SMC2: variants seen among roughly 807,000 people sequenced by gnomAD.
The protein encoded by SMC2 is structural maintenance of chromosomes protein 2.
Under a neutral mutation model 142.6 loss-of-function variants are expected in SMC2, and 41 were observed. That is an observed-to-expected ratio of 0.29 (90% confidence interval 0.22 to 0.37). The LOEUF is 0.37. SMC2 is among the 10% of genes least tolerant of loss of function. The pLI, the probability that SMC2 is intolerant of heterozygous loss-of-function variation, is 1.00. For missense variants in SMC2, 1,265 were observed against 1,373.7 expected, an observed-to-expected ratio of 0.92 and a Z score of 1.25; for synonymous variants, 463 against 457.5, an observed-to-expected ratio of 1.01 and a Z score of -0.15.
intron 4 of SMC2, 120 bp downstream of exon 4, chr9:104,098,688 T>C (rs10991107): frequency 0.39 from 382,099 of 978,932 alleles, 76,899 homozygotes; most frequent in Middle Eastern, 0.5. Context: ...ACTATTGTGC[T>C]GTGTCCGGCC....
intron 17 of SMC2, among the ~76,000 whole-genome samples, chr9:104,123,946 C>T (rs978423333): frequency 1.3e-5 from 2 of 152,180 alleles, no homozygotes; most frequent in African/African-American, 4.8e-5. Flanking sequence ...ATGTGCTTCT[C>T]CACTAATATT....
intron 9 of SMC2, among the ~76,000 whole-genome samples, chr9:104,104,514 T>G (rs1402673703): frequency 6.6e-6 from 1 of 152,054 alleles, no homozygotes; most frequent in Non-Finnish European, 1.5e-5. Context: ...GGCTGAAGCA[T>G]TGAGATTATG....
At chr9:104,126,496 T>G in intron 18 of SMC2, 145 bp from the exon 19 acceptor site, 1 of 525,580 alleles carries the variant, frequency 1.9e-6, no homozygotes, top group Non-Finnish European at 3.1e-6. Flanking sequence ...GGGAAGCAGC[T>G]TAACCTGTAC....
upstream of SMC2, among the ~76,000 whole-genome samples, chr9:104,090,198 C>T (rs542975689): frequency 2.6e-5 from 4 of 152,010 alleles, no homozygotes; most frequent in South Asian, 4.1e-4. Context: ...CATATACAAC[C>T]GTAAAAACAA....
rs1214334749 is a variant in SMC2, at chr9:104,098,452, A to G, written c.325A>G (p.Ile109Val). 9.4e-6 allele frequency: 15 copies of G among 1,588,066 alleles called. No individual in the cohort carries two copies. In the East Asian group the frequency reaches 1.8e-4, roughly 19 times the overall value. ...AAATTGCTTTCTTTTATAGGTGGTT[A>G]TTGGTGGTAGAAATAAATATTTAAT... ...DEITVTRQVV[I>V]GGRNKYLING... Residue 109 changes from isoleucine to valine, a missense_variant, in exon 4 of 25, where the codon ATT becomes GTT. Ile to Val is a conservative substitution (Grantham distance 29). Transcript: ENST00000374793.
At chr9:104,133,097 G>C (rs1835162878) in intron 22 of SMC2, among the ~76,000 whole-genome samples, 1 of 152,112 alleles carries the variant, frequency 6.6e-6, no homozygotes, top group Non-Finnish European at 1.5e-5. Flanking sequence ...GATTGACAAA[G>C]TGACAAAGCC....
At position 104,100,076 on chromosome 9, in the gene SMC2, TA is replaced by T; in HGVS notation, c.481-13del. 7.3e-7 allele frequency: 1 copy of T among 1,370,022 alleles called. No homozygotes were observed. Among genetic ancestry groups the T allele is most frequent in the Non-Finnish European group, 1.0e-6 (1 of 984,192 alleles). 84.9% of individuals were successfully genotyped at this position (1,370,022 alleles called of 1,614,324 possible). On this transcript the variant is annotated splice_polypyrimidine_tract_variant and intron_variant, in intron 5 of 24. Transcript: ENST00000374793. ...CATTGTCTTGGATACTAAACATTAATAAAATTGTCATTCCAGATTTTATCCA... is the reference window on the plus strand; with the variant it reads ...CATTGTCTTGGATACTAAACATTAATAAATTGTCATTCCAGATTTTATCCA...
Position 104,138,129 on chromosome 9 carries a change from T to C in SMC2, c.3381T>C (p.Ile1127=), listed in dbSNP as rs114638750. The change falls in exon 24 of 25, where the codon ATT becomes ATC. Residue 1127 remains isoleucine, a synonymous_variant. Transcript: ENST00000374793. The part of the protein sequence containing the change: ...AALDLSHTQN[I]GQMLRTHFTH... ...TGGATCTTTCTCATACCCAAAACAT[T>C]GGACAGATGCTGCGTACTCATTTCA... 5.5e-4 allele frequency: 885 copies of C among 1,608,996 alleles called. 7 individuals are homozygous for C. The African/African-American group carries it at 0.011, about 20-fold the overall frequency.
In SMC2 at chr9:104,102,023, T is replaced by G. The variant is rs1831191449; in HGVS notation, c.700T>G (p.Tyr234Asp). ...MREIEHLSRL[Y>D]IAYQFLLAED... Reference sequence around the variant, plus strand: ...AGAAATAGAACATTTGAGTCGTTTATATATTGCTTATCAGTTTTTGCTGGC... The same window carrying G: ...AGAAATAGAACATTTGAGTCGTTTAGATATTGCTTATCAGTTTTTGCTGGC... Residue 234 changes from tyrosine (Y) to aspartate (D), a missense_variant, in exon 8 of 25, where the codon TAT becomes GAT. Physicochemically the swap from Tyr to Asp is radical, Grantham distance 160. This residue lies in a region of SMC2 where 898 missense variants were observed against 904.2 expected (regional missense o/e 0.99). Transcript: ENST00000374793. The G allele has an allele frequency of 6.2e-7, 1 of 1,613,276 alleles. No individual in the cohort carries two copies. Among genetic ancestry groups the G allele is most frequent in the Non-Finnish European group, 8.5e-7 (1 of 1,179,550 alleles).
intron 17 of SMC2, among the ~76,000 whole-genome samples, chr9:104,124,437 A>G (rs533491441): frequency 3.9e-5 from 6 of 152,214 alleles, no homozygotes; most frequent in African/African-American, 1.4e-4. Flanking sequence ...GCTGTATCCC[A>G]GGCATACTGT....
intron 17 of SMC2, 139 bp from the exon 18 acceptor site, chr9:104,124,773 A>G: frequency 1.7e-6 from 1 of 593,028 alleles, no homozygotes; most frequent in Admixed American, 3.8e-5. Flanking sequence ...TCATTATACC[A>G]TTTCTAGAAT....
At chr9:104,103,792 GCAGA>G (rs1270769891) in intron 9 of SMC2, among the ~76,000 whole-genome samples, 1 of 152,158 alleles carries the variant, frequency 6.6e-6, no homozygotes, top group Non-Finnish European at 1.5e-5. Context: ...AGATATTTTT[GCAGA>G]GAAATACATT....
chr9:104,097,516 A>G (rs1830587369), intron 3 of SMC2, among the ~76,000 whole-genome samples: 1 of 151,214 alleles, frequency 6.6e-6, no homozygotes, highest in African/African-American at 2.4e-5. Context: ...TTGAAAAAAA[A>G]AAAAAAAAAA....
intron 16 of SMC2, among the ~76,000 whole-genome samples, chr9:104,120,949 G>C (rs1347774363): frequency 1.3e-5 from 2 of 152,112 alleles, no homozygotes; most frequent in Non-Finnish European, 2.9e-5. Flanking sequence ...GGTAAAACAT[G>C]TTACTAGTTC....
intron 19 of SMC2, among the ~76,000 whole-genome samples, chr9:104,127,013 A>G (rs184229514): frequency 6.7e-6 from 1 of 150,352 alleles, no homozygotes; most frequent in East Asian, 1.9e-4. Context: ...TCTACATTAC[A>G]TCTAACAAAA....
At chr9:104,096,412 T>C in intron 3 of SMC2, 115 bp downstream of exon 3, 1 of 889,758 alleles carries the variant, frequency 1.1e-6, no homozygotes, top group South Asian at 1.7e-5. Flanking sequence ...ATTGGTGCCT[T>C]AAATTCTGAC....
At chr9:104,114,557 T>C (rs757512772) in intron 12 of SMC2, 134 bp from the exon 13 acceptor site, 1 of 779,410 alleles carries the variant, frequency 1.3e-6, no homozygotes, top group Non-Finnish European at 2.0e-6. Context: ...AAATTTTTGG[T>C]TTGTTAAAAC....
intron 22 of SMC2, among the ~76,000 whole-genome samples, chr9:104,133,373 T>A (rs1419840877): frequency 6.6e-6 from 1 of 152,168 alleles, no homozygotes; most frequent in African/African-American, 2.4e-5. Context: ...CTCTGTAGGA[T>A]ATTATTCAGC....
At chr9:104,133,583 T>C (rs1211509997) in intron 22 of SMC2, among the ~76,000 whole-genome samples, 2 of 152,200 alleles carry the variant, frequency 1.3e-5, no homozygotes, top group African/African-American at 2.4e-5. Flanking sequence ...ATGTGTGTTA[T>C]GCTTTCAAGT....
Sources: allele counts gnomAD v4.1 joint callset (sites outside exome capture counted in the v4.1 genomes callset), GRCh38; gene constraint gnomAD v4.1.1; regional missense constraint gnomAD v4.1.1; transcripts MANE v1.5; gene names NCBI Gene and HGNC (gene_info 2026-07-23, HGNC 2026-07-21).